Variants in RORC observed in about 807,000 individuals in gnomAD.
RORC encodes the protein RAR related orphan receptor C.
Under a neutral mutation model 64.5 loss-of-function variants are expected in RORC, and 13 were observed. That is an observed-to-expected ratio of 0.20 (90% CI 0.13 to 0.32). The LOEUF (loss-of-function observed/expected upper bound fraction) is 0.32. Ranked by LOEUF, RORC falls within the 10% of genes least tolerant of loss-of-function variation. The pLI, the probability that RORC is intolerant of heterozygous loss-of-function variation, is 1.00. For synonymous variants in RORC, 277 were observed against 259.3 expected (o/e 1.07, Z -0.65); for missense variants, 468 against 669.5 (o/e 0.70, Z 3.32).
chr1:151,822,908 C>T (rs1290930718), intron 2 of RORC, among the ~76,000 whole-genome samples: 1 of 152,252 alleles, frequency 6.6e-6, no homozygotes, highest in Non-Finnish European at 1.5e-5. Flanking sequence ...CTTGGGCTGC[C>T]CGCCTGGGAG....
chr1:151,817,591 G>A lies in RORC; in HGVS notation c.71-311C>T, dbSNP rs185831412. Among the ~76,000 whole-genome samples the A allele has an allele frequency of 5.4e-3, 825 of 152,306 alleles. 10 individuals carry two copies. Among genetic ancestry groups the A allele is most frequent in the African/African-American group, 0.018 (748 of 41,568 alleles). ...CCTGCTCAGCCCTTCGAGTTGAAAA[G>A]CTCCAGTTGCCTCCCTCCCGCCTTG... On this transcript the variant is annotated intron_variant, in intron 2 of 10. Coordinates refer to ENST00000318247, the MANE Select transcript of RORC (RefSeq NM_005060.4).
chr1:151,811,140 C>T (rs1651507049), intron 10 of RORC, among the ~76,000 whole-genome samples, 185 bp downstream of exon 10: 1 of 152,120 alleles, frequency 6.6e-6, no homozygotes, highest in Non-Finnish European at 1.5e-5. Context: ...TCTAACTTTC[C>T]AGTCTTTATG....
rs753891352 is a variant in RORC, at chr1:151,815,298, T to C, written c.426A>G (p.Gln142=). 5 of 1,609,298 alleles carry C rather than the reference T, an allele frequency of 3.1e-6. No homozygotes were observed. The South Asian group carries it at 5.5e-5, about 18-fold the overall frequency. Reference sequence around the variant, plus strand: ...AGGTGTAGGTGAGGGTATCTGCTCCTTGGGCCCCTGCTGGAGGGGTCTTGA... The same window carrying C: ...AGGTGTAGGTGAGGGTATCTGCTCCCTGGGCCCCTGCTGGAGGGGTCTTGA... ...PVVKTPPAGA[Q]GADTLTYTLG... The change falls in exon 5 of 11, where the codon CAA becomes CAG. Residue 142 remains glutamine (Q), a synonymous_variant. Transcript: ENST00000318247.
rs1022980986 is a variant in RORC, at chr1:151,830,886, A to G, written c.40+839T>C. 1 of 1,233,586 alleles carries G rather than the reference A, an allele frequency of 8.1e-7. No homozygotes were observed. The highest frequency in any genetic ancestry group is 1.3e-5 in the South Asian group (1 of 75,608). 76.4% of individuals were successfully genotyped at this position (1,233,586 alleles called of 1,614,324 possible). On this transcript the variant is annotated intron_variant, in intron 1 of 10. Coordinates refer to ENST00000318247, the MANE Select transcript of RORC (RefSeq NM_005060.4). The surrounding 1 kb of genome is among the most constrained non-coding windows in gnomAD (Gnocchi z 4.0). ...ACCGGCTCCTGGCCTCTAGCCTTGC[A>G]CCTCAGAGCAGTCCTGTGGTGGGGG...
chr1:151,809,877 G>A (rs1291363699), intron 10 of RORC, among the ~76,000 whole-genome samples: 1 of 152,136 alleles, frequency 6.6e-6, no homozygotes, highest in African/African-American at 2.4e-5. Flanking sequence ...AGCTCTGATT[G>A]TGTCATTTTT....
intron 2 of RORC, among the ~76,000 whole-genome samples, chr1:151,828,572 C>T (rs1339509088): frequency 1.3e-5 from 2 of 152,178 alleles, no homozygotes; most frequent in African/African-American, 2.4e-5. Context: ...ATTCTGTTTC[C>T]TACAGAGATA....
chr1:151,809,373 G>A (rs558634013), intron 10 of RORC, among the ~76,000 whole-genome samples: 7 of 152,212 alleles, frequency 4.6e-5, no homozygotes, highest in African/African-American at 7.2e-5. Context: ...CAGCCTGGGC[G>A]ACAGAGCAAG....
At chr1:151,817,881 GCT>G (rs1327305706) in intron 2 of RORC, among the ~76,000 whole-genome samples, 1 of 152,242 alleles carries the variant, frequency 6.6e-6, no homozygotes, top group Non-Finnish European at 1.5e-5. Context: ...CCCCAGCTCT[GCT>G]GGATGCCTGA....
chr1:151,826,142 C>T (rs1172755841), intron 2 of RORC: 7 of 1,253,386 alleles, frequency 5.6e-6, no homozygotes, highest in Non-Finnish European at 7.1e-6. Flanking sequence ...GTGACAACCC[C>T]CCACCCCACC....
chr1:151,826,043 A>T, intron 2 of RORC: 5 of 1,590,398 alleles, frequency 3.1e-6, no homozygotes, highest in Non-Finnish European at 2.6e-6. Flanking sequence ...CCCTCTCAGC[A>T]GCGCCTCAGC....
At chr1:151,819,571 T>C (rs537446435) in intron 2 of RORC, among the ~76,000 whole-genome samples, 1 of 152,230 alleles carries the variant, frequency 6.6e-6, no homozygotes, top group African/African-American at 2.4e-5. Flanking sequence ...GGAGGGAGAT[T>C]AGGCCAAGCC....
chr1:151,825,626 C>T (rs899052233), intron 2 of RORC, among the ~76,000 whole-genome samples: 11 of 152,168 alleles, frequency 7.2e-5, no homozygotes, highest in African/African-American at 1.2e-4. Context: ...GCCAAGTACG[C>T]GGCCTCCTTG....
chr1:151,830,580 GTTATTTTT>G lies in RORC; in HGVS notation c.41-1130_41-1123del, dbSNP rs1652364627. Among the ~76,000 whole-genome samples the G allele has an allele frequency of 6.8e-6, 1 of 147,108 alleles. No individual in the cohort carries two copies. The highest frequency in any genetic ancestry group is 2.5e-5 in the African/African-American group (1 of 39,582). The stretch of plus-strand genomic sequence containing the variant: ...CTTCCCTAACCTCTGACTCTATTCT[GTTATTTTT>G]TTCCTTCTGCTGTTCAGTCTTGACA... On this transcript the variant is annotated intron_variant, in intron 1 of 10. Transcript: ENST00000318247. This position sits in a 1 kb window ranked among gnomAD's most constrained non-coding sequence, Gnocchi z 4.0.
At chr1:151,828,200 G>C (rs555887802) in intron 2 of RORC, among the ~76,000 whole-genome samples, 1 of 152,296 alleles carries the variant, frequency 6.6e-6, no homozygotes, top group South Asian at 2.1e-4. Context: ...GGAGGCTCTA[G>C]ACAATTTTGG....
intron 6 of RORC, 121 bp from the exon 7 acceptor site, chr1:151,813,741 A>G (rs1413971017): frequency 8.8e-7 from 1 of 1,130,716 alleles, no homozygotes; most frequent in Non-Finnish European, 1.2e-6. Context: ...GTTCTCAACT[A>G]GCATTTTCAA....
intron 2 of RORC, among the ~76,000 whole-genome samples, chr1:151,826,818 C>T (rs1158777537): frequency 6.6e-6 from 1 of 152,180 alleles, no homozygotes; most frequent in East Asian, 1.9e-4. Flanking sequence ...ATCTAATCCT[C>T]ACAAAATACT....
chr1:151,819,444 C>T (rs936872103), intron 2 of RORC, among the ~76,000 whole-genome samples: 2 of 152,178 alleles, frequency 1.3e-5, no homozygotes, highest in African/African-American at 4.8e-5. Flanking sequence ...GCACTCGGGC[C>T]CTGTGGACTC....
chr1:151,830,445 C>T lies in RORC; in HGVS notation c.41-987G>A, dbSNP rs1652359817. On this transcript the variant is annotated intron_variant, in intron 1 of 10. Coordinates refer to ENST00000318247, the MANE Select transcript of RORC (RefSeq NM_005060.4). This position sits in a 1 kb window ranked among gnomAD's most constrained non-coding sequence, Gnocchi z 4.0. ...AGGGAGCCCCTGGAAAGAGGATTCC[C>T]CTGCCAGACCTTGGCCCATTTCCTA... Among the ~76,000 whole-genome samples the T allele has an allele frequency of 6.6e-6, 1 of 152,032 alleles. No individual in the cohort carries two copies. Among genetic ancestry groups the T allele is most frequent in the South Asian group, 2.1e-4 (1 of 4,810 alleles).
chr1:151,814,768 A>G, intron 5 of RORC, 73 bp from the exon 6 acceptor site: 1 of 1,564,074 alleles, frequency 6.4e-7, no homozygotes, highest in Admixed American at 1.8e-5. Flanking sequence ...GGCACTTCTC[A>G]GCCTGGCCTA....
Sources: gnomAD v4.1 joint callset for allele counts (sites outside exome capture counted in the v4.1 genomes callset) on GRCh38, gnomAD v4.1.1 for gene constraint, Gnocchi (gnomAD v3.1) non-coding constraint, MANE v1.5 for transcripts, NCBI Gene and HGNC (gene_info 2026-07-23, HGNC 2026-07-21) for gene names.